GRIK1: variants seen among roughly 807,000 people sequenced by gnomAD.
The protein encoded by GRIK1 is glutamate receptor ionotropic, kainate 1.
In GRIK1, 69 loss-of-function variants were observed where a neutral mutation model predicts 105.7. That is an observed-to-expected ratio of 0.65 (90% CI 0.54 to 0.80). The LOEUF (loss-of-function observed/expected upper bound fraction) is 0.80, where lower values mean the gene tolerates loss of function less well. GRIK1 is among the 30% of genes least tolerant of loss of function. The pLI, the probability that GRIK1 is intolerant of heterozygous loss-of-function variation, is 0.00. For missense variants in GRIK1, 1,109 were observed against 1,167.3 expected (o/e 0.95, Z 0.73); for synonymous variants, 438 against 431.3 (o/e 1.02, Z -0.19).
chr21:29,767,720 T>A (rs2065705999), intron 1 of GRIK1, among the ~76,000 whole-genome samples: 1 of 152,182 alleles, frequency 6.6e-6, no homozygotes, highest in Non-Finnish European at 1.5e-5. Context: ...GACAGGCAAT[T>A]GAAGTAGACT....
At chr21:29,719,898 A>G (rs1485398719) in intron 1 of GRIK1, among the ~76,000 whole-genome samples, 4 of 152,214 alleles carry the variant, frequency 2.6e-5, no homozygotes, top group Non-Finnish European at 4.4e-5. Context: ...ATTCACTTAC[A>G]TAATACATTT....
At chr21:29,906,088 A>G (rs1368183652) in intron 1 of GRIK1, among the ~76,000 whole-genome samples, 1 of 152,192 alleles carries the variant, frequency 6.6e-6, no homozygotes, top group East Asian at 1.9e-4. Context: ...TATGCTAGAT[A>G]GGAAATACAG....
chr21:29,782,122 TG>T (rs2066130760), intron 1 of GRIK1, among the ~76,000 whole-genome samples: 1 of 149,532 alleles, frequency 6.7e-6, no homozygotes, highest in Non-Finnish European at 1.5e-5. Flanking sequence ...AGTCTCGCTG[TG>T]TCGCCCAGGC....
intron 1 of GRIK1, among the ~76,000 whole-genome samples, chr21:29,777,202 G>A (rs2145760895): frequency 6.6e-6 from 1 of 152,254 alleles, no homozygotes; most frequent in Middle Eastern, 3.4e-3. Flanking sequence ...CGTGAGGATT[G>A]GGGTTCACCT....
chr21:29,807,152 C>A (rs2066885176), intron 1 of GRIK1, among the ~76,000 whole-genome samples: 2 of 152,182 alleles, frequency 1.3e-5, no homozygotes, highest in Non-Finnish European at 2.9e-5. Context: ...AACAATTCTT[C>A]AAGGGATGAG....
chr21:29,691,101 A>G (rs1568979591), intron 2 of GRIK1, among the ~76,000 whole-genome samples: 1 of 151,886 alleles, frequency 6.6e-6, no homozygotes, highest in Non-Finnish European at 1.5e-5. Flanking sequence ...ACTTGAGGTC[A>G]GGAGTTCGAG....
Position 29,824,698 on chromosome 21 carries a change from A to G in GRIK1, c.118+114685T>C, listed in dbSNP as rs545037847. 9.6e-4 allele frequency among the ~76,000 whole-genome samples: 143 copies of G among 149,532 alleles called. 2 individuals are homozygous for G. The highest frequency in any genetic ancestry group is 1.6e-3 in the Non-Finnish European group (112 of 67,904). ...AGTGAATGTGGCGAGAAGTCATTGC[A>G]CGTGAATTCAGAGGACGAGAATCGA... On this transcript the variant is annotated intron_variant, in intron 1 of 17. Coordinates refer to ENST00000327783, the MANE Select transcript of GRIK1 (RefSeq NM_001330994.2).
At position 29,768,224 on chromosome 21, in the gene GRIK1, T is replaced by C. The variant is rs536568015; in HGVS notation, c.119-74161A>G. 2.0e-4 allele frequency among the ~76,000 whole-genome samples: 30 copies of C among 152,314 alleles called. No homozygotes were observed. The East Asian group carries it at 4.6e-3, about 24-fold the overall frequency. On this transcript the variant is annotated intron_variant, in intron 1 of 17. Coordinates refer to ENST00000327783, the MANE Select transcript of GRIK1 (RefSeq NM_001330994.2). ...GAGACTTGGGTGCTAATTCTGGGTA[T>C]GCCTACAGCTTCTTGGCTTTGAAAA...
chr21:29,746,893 T>C (rs898787598), intron 1 of GRIK1, among the ~76,000 whole-genome samples: 1 of 152,154 alleles, frequency 6.6e-6, no homozygotes, highest in East Asian at 1.9e-4. Context: ...GGTACTGCCA[T>C]ACAAAATAAT....
intron 1 of GRIK1, among the ~76,000 whole-genome samples, chr21:29,815,160 T>A (rs1262795572): frequency 6.6e-6 from 1 of 152,198 alleles, no homozygotes; most frequent in East Asian, 1.9e-4. Context: ...TCTCCACTTT[T>A]ACATACTATT....
chr21:29,745,119 C>T (rs563660942), intron 1 of GRIK1, among the ~76,000 whole-genome samples: 11 of 152,212 alleles, frequency 7.2e-5, no homozygotes, highest in African/African-American at 2.4e-4. Context: ...GTGGCAGAGT[C>T]TCTCTAATGC....
chr21:29,907,126 A>G (rs755159587), intron 1 of GRIK1, among the ~76,000 whole-genome samples: 12 of 151,212 alleles, frequency 7.9e-5, no homozygotes, highest in Non-Finnish European at 1.2e-4. Flanking sequence ...GAATGTGGTC[A>G]TTGCTGCTTT....
At chr21:29,866,896 T>A (rs2068821455) in intron 1 of GRIK1, among the ~76,000 whole-genome samples, 1 of 152,210 alleles carries the variant, frequency 6.6e-6, no homozygotes, top group South Asian at 2.1e-4. Context: ...TACACTTGAA[T>A]ATCTACGTGG....
chr21:29,836,932 A>C (rs1332404345), intron 1 of GRIK1, among the ~76,000 whole-genome samples: 1 of 152,192 alleles, frequency 6.6e-6, no homozygotes, highest in Non-Finnish European at 1.5e-5. Context: ...GATATTGCCC[A>C]CAGTTTTAGA....
At chr21:29,599,302 A>G (rs2061474161) in intron 7 of GRIK1, among the ~76,000 whole-genome samples, 1 of 152,184 alleles carries the variant, frequency 6.6e-6, no homozygotes, top group Admixed American at 6.5e-5. Flanking sequence ...GGCTGAGTGG[A>G]AGTGAGTCCC....
intron 1 of GRIK1, among the ~76,000 whole-genome samples, chr21:29,807,244 T>C (rs1160618140): frequency 1.3e-5 from 2 of 152,140 alleles, no homozygotes; most frequent in African/African-American, 4.8e-5. Context: ...TGAAGGATCC[T>C]GATGGCATGC....
In GRIK1 at chr21:29,866,770, T is replaced by C. The variant is rs116829575; in HGVS notation, c.118+72613A>G. Among the ~76,000 whole-genome samples, 522 of 152,370 alleles carry C rather than the reference T, an allele frequency of 3.4e-3. 4 individuals carry two copies. The highest frequency in any genetic ancestry group is 0.012 in the African/African-American group (497 of 41,592). On this transcript the variant is annotated intron_variant, in intron 1 of 17. Transcript: ENST00000327783. ...ATTCAAATGATGTTTTGAAGTGTTA[T>C]TCTTGCAAAAGAAAACAAATTTTGA...
intron 12 of GRIK1, among the ~76,000 whole-genome samples, chr21:29,583,486 C>G (rs2091066205): frequency 6.6e-6 from 1 of 152,140 alleles, no homozygotes; most frequent in Non-Finnish European, 1.5e-5. Flanking sequence ...TTGGCAACCA[C>G]CAGCCCCCTT....
At chr21:29,643,046 G>C in intron 6 of GRIK1, 77 bp from the exon 7 acceptor site, 1 of 1,367,188 alleles carries the variant, frequency 7.3e-7, no homozygotes, top group African/African-American at 1.4e-5. Context: ...CACTCTCCCT[G>C]CTTCCATAGC....
Sources: gnomAD v4.1 joint callset for allele counts (sites outside exome capture counted in the v4.1 genomes callset) on GRCh38, gnomAD v4.1.1 for gene constraint, MANE v1.5 for transcripts, NCBI Gene and HGNC (gene_info 2026-07-23, HGNC 2026-07-21) for gene names.